COL26A1: variants seen among roughly 807,000 people sequenced by gnomAD.
COL26A1 encodes collagen type XXVI alpha 1 chain.
In COL26A1, 41 loss-of-function variants were observed where a neutral mutation model predicts 59.3. That is an observed-to-expected ratio of 0.69 (90% CI 0.54 to 0.90). The LOEUF (loss-of-function observed/expected upper bound fraction) is 0.90. COL26A1 is among the 40% of genes least tolerant of loss of function. The pLI is 0.00. For missense variants in COL26A1, 612 were observed against 602.3 expected (o/e 1.02, Z -0.17); for synonymous variants, 266 against 256.0 (o/e 1.04, Z -0.37).
intron 3 of COL26A1, among the ~76,000 whole-genome samples, chr7:101,532,342 C>G (rs537565158): frequency 6.6e-6 from 1 of 152,174 alleles, no homozygotes; most frequent in Admixed American, 6.5e-5. Flanking sequence ...CTCCAGTGAC[C>G]TACAGACACT....
intron 3 of COL26A1, among the ~76,000 whole-genome samples, chr7:101,509,939 G>C (rs1471892374): frequency 6.6e-6 from 1 of 151,650 alleles, no homozygotes; most frequent in Non-Finnish European, 1.5e-5. Flanking sequence ...TGTTGGCCAG[G>C]CTGGTCTCGA....
At chr7:101,372,881 G>C (rs748310542) in intron 1 of COL26A1, among the ~76,000 whole-genome samples, 1 of 152,156 alleles carries the variant, frequency 6.6e-6, no homozygotes, top group Non-Finnish European at 1.5e-5. Flanking sequence ...TGTAGTCTCA[G>C]CTACTCAGGA....
At chr7:101,529,665 G>A (rs189123623) in intron 3 of COL26A1, among the ~76,000 whole-genome samples, 2 of 152,278 alleles carry the variant, frequency 1.3e-5, no homozygotes, top group East Asian at 3.9e-4. Context: ...TTATAGGTGA[G>A]AACATGCAAT....
At chr7:101,401,408 A>G (rs1791991724) in intron 1 of COL26A1, among the ~76,000 whole-genome samples, 1 of 151,586 alleles carries the variant, frequency 6.6e-6, no homozygotes, top group South Asian at 2.1e-4. Flanking sequence ...AGGAAGAAGA[A>G]GAGGAGCAGG....
At chr7:101,454,211 C>T (rs2130399256) in intron 3 of COL26A1, among the ~76,000 whole-genome samples, 1 of 151,966 alleles carries the variant, frequency 6.6e-6, no homozygotes, top group East Asian at 1.9e-4. Context: ...GTTTCCCTCT[C>T]AAACTGCAAA....
intron 3 of COL26A1, among the ~76,000 whole-genome samples, chr7:101,524,569 T>C (rs1229416213): frequency 6.6e-6 from 1 of 152,222 alleles, no homozygotes; most frequent in Non-Finnish European, 1.5e-5. Flanking sequence ...CTTTATAATA[T>C]TGAGTCTTCC....
intron 12 of COL26A1, 48 bp downstream of exon 12, chr7:101,555,919 T>C: frequency 2.7e-6 from 4 of 1,486,500 alleles, no homozygotes; most frequent in Non-Finnish European, 3.7e-6. Flanking sequence ...CTCCCCTCCT[T>C]CCTCTCCCAA....
chr7:101,508,073 C>T (rs745507709), intron 3 of COL26A1, among the ~76,000 whole-genome samples: 1 of 152,220 alleles, frequency 6.6e-6, no homozygotes, highest in Non-Finnish European at 1.5e-5. Flanking sequence ...CCTGATGGCC[C>T]TCCAGCCTCA....
chr7:101,405,510 C>T (rs891680720), intron 1 of COL26A1, among the ~76,000 whole-genome samples: 2 of 151,810 alleles, frequency 1.3e-5, no homozygotes, highest in African/African-American at 4.8e-5. Context: ...TTTTTTTCCC[C>T]AAATGCTGAT....
intron 3 of COL26A1, among the ~76,000 whole-genome samples, chr7:101,473,249 T>G (rs1016850831): frequency 6.6e-6 from 1 of 150,958 alleles, no homozygotes; most frequent in Non-Finnish European, 1.5e-5. Context: ...CTGGCTAATT[T>G]TTTGTATTTT....
rs190355501 is a variant in COL26A1, at chr7:101,498,428, T to A, written c.386-34654T>A. Reference sequence around the variant, plus strand: ...TGGGGACCTCAGAGTTACACCAGAATGATAGAGAGAGGAGACCCAGGTGTG... The same window carrying A: ...TGGGGACCTCAGAGTTACACCAGAAAGATAGAGAGAGGAGACCCAGGTGTG... On this transcript the variant is annotated intron_variant, in intron 3 of 12. Coordinates refer to ENST00000313669, the MANE Select transcript of COL26A1 (RefSeq NM_001278563.3). 1.2e-3 allele frequency among the ~76,000 whole-genome samples: 189 copies of A among 152,254 alleles called. 2 individuals carry two copies. Among genetic ancestry groups the A allele is most frequent in the Non-Finnish European group, 2.2e-3 (153 of 68,014 alleles).
intron 3 of COL26A1, among the ~76,000 whole-genome samples, chr7:101,460,030 C>T (rs890101222): frequency 1.3e-5 from 2 of 152,160 alleles, no homozygotes; most frequent in Admixed American, 6.6e-5. Context: ...CAGAGCTCAT[C>T]GCTTTAGGAA....
At chr7:101,536,120 A>T (rs1355137490) in intron 4 of COL26A1, among the ~76,000 whole-genome samples, 2 of 152,094 alleles carry the variant, frequency 1.3e-5, no homozygotes, top group East Asian at 3.9e-4. Context: ...GGTTCAAGTG[A>T]TTCTCCCGCC....
At chr7:101,439,926 C>T (rs1793012226) in intron 2 of COL26A1, among the ~76,000 whole-genome samples, 1 of 152,196 alleles carries the variant, frequency 6.6e-6, no homozygotes. Context: ...GCTGGGGACT[C>T]TGCAGGGAGC....
intron 3 of COL26A1, among the ~76,000 whole-genome samples, chr7:101,459,599 C>T (rs189441033): frequency 6.6e-6 from 1 of 152,134 alleles, no homozygotes; most frequent in East Asian, 1.9e-4. Flanking sequence ...TAAGCCACCA[C>T]ACCTGGCCTA....
At chr7:101,447,286 A>G (rs1259276279) in intron 2 of COL26A1, among the ~76,000 whole-genome samples, 1 of 152,222 alleles carries the variant, frequency 6.6e-6, no homozygotes, top group African/African-American at 2.4e-5. Context: ...CCTGTAGCTA[A>G]TTTATTAGTC....
At chr7:101,490,674 C>G (rs6969251) in intron 3 of COL26A1, among the ~76,000 whole-genome samples, 35,683 of 151,138 alleles carry the variant, frequency 0.24, 4,828 homozygotes, top group Middle Eastern at 0.32. Flanking sequence ...GCACTCCAGC[C>G]TGGGTAACAC....
At chr7:101,397,207 T>A (rs1414209056) in intron 1 of COL26A1, among the ~76,000 whole-genome samples, 1 of 152,180 alleles carries the variant, frequency 6.6e-6, no homozygotes, top group Non-Finnish European at 1.5e-5. Context: ...CATGTTTCTG[T>A]GATTCTTTGT....
At chr7:101,500,923 C>T (rs1794690880) in intron 3 of COL26A1, among the ~76,000 whole-genome samples, 1 of 150,912 alleles carries the variant, frequency 6.6e-6, no homozygotes, top group African/African-American at 2.4e-5. Context: ...GTGGCTCACG[C>T]CTGTAATCCC....
Sources: allele counts gnomAD v4.1 joint callset (sites outside exome capture counted in the v4.1 genomes callset), GRCh38; gene constraint gnomAD v4.1.1; transcripts MANE v1.5; gene names NCBI Gene and HGNC (gene_info 2026-07-23, HGNC 2026-07-21).